CEP350: variants seen among roughly 807,000 people sequenced by gnomAD.
CEP350 encodes the protein centrosome-associated protein 350.
In CEP350, 126 loss-of-function variants were observed where a neutral mutation model predicts 331.8. That is an observed-to-expected ratio of 0.38 (90% CI 0.33 to 0.44). The LOEUF is 0.44. Ranked by LOEUF, CEP350 falls within the 20% of genes least tolerant of loss-of-function variation. The pLI is 1.00. For synonymous variants in CEP350, 1,200 were observed against 1,259.5 expected (o/e 0.95, Z 1.00); for missense variants, 3,406 against 3,634.6 (o/e 0.94, Z 1.62).
intron 25 of CEP350, among the ~76,000 whole-genome samples, chr1:180,061,972 G>A (rs1454330296): frequency 6.6e-6 from 1 of 151,942 alleles, no homozygotes; most frequent in Non-Finnish European, 1.5e-5. Context: ...GTTTTAAAAT[G>A]GGATATGAAA....
At chr1:180,041,544 T>A in intron 18 of CEP350, 118 bp from the exon 19 acceptor site, 2 of 995,112 alleles carry the variant, frequency 2.0e-6, no homozygotes, top group Admixed American at 3.0e-5. Context: ...GAAATCCAGA[T>A]TGTAGTAAAG....
chr1:180,015,379 C>T (rs1248732341), intron 10 of CEP350, among the ~76,000 whole-genome samples: 1 of 152,008 alleles, frequency 6.6e-6, no homozygotes, highest in Non-Finnish European at 1.5e-5. Context: ...GGACTACAGG[C>T]GCCCGCTACC....
At chr1:179,961,582 C>T (rs562608747) in intron 1 of CEP350, among the ~76,000 whole-genome samples, 4 of 152,272 alleles carry the variant, frequency 2.6e-5, no homozygotes, top group African/African-American at 9.6e-5. Flanking sequence ...AATCTACTAA[C>T]GGGTCATGAC....
At chr1:179,984,857 C>A (rs1652538885) in intron 1 of CEP350, among the ~76,000 whole-genome samples, 1 of 152,082 alleles carries the variant, frequency 6.6e-6, no homozygotes, top group South Asian at 2.1e-4. Flanking sequence ...TGTGTTGTTA[C>A]ATGATTTTTA....
intron 26 of CEP350, among the ~76,000 whole-genome samples, chr1:180,064,877 ATGT>A (rs1033391247): frequency 2.6e-5 from 4 of 152,152 alleles, no homozygotes; most frequent in African/African-American, 9.6e-5. Context: ...AAATTATTAC[ATGT>A]TGTGATATTC....
intron 37 of CEP350, among the ~76,000 whole-genome samples, chr1:180,100,084 T>C (rs1485958422): frequency 6.6e-6 from 1 of 152,162 alleles, no homozygotes; most frequent in African/African-American, 2.4e-5. Context: ...CCGCGCCCAG[T>C]GTCTTATGCC....
chr1:180,102,881 G>T (rs779229821), intron 37 of CEP350, among the ~76,000 whole-genome samples: 1 of 152,216 alleles, frequency 6.6e-6, no homozygotes, highest in Non-Finnish European at 1.5e-5. Flanking sequence ...ATTGTCTGCG[G>T]TGAATACCCA....
intron 25 of CEP350, among the ~76,000 whole-genome samples, chr1:180,061,439 C>T (rs1283352281): frequency 6.6e-6 from 1 of 152,168 alleles, no homozygotes; most frequent in Non-Finnish European, 1.5e-5. Flanking sequence ...AGTGATCTGC[C>T]TGCCTTGGCC....
At chr1:180,034,869 C>T (rs1040979969) in intron 16 of CEP350, among the ~76,000 whole-genome samples, 4 of 152,122 alleles carry the variant, frequency 2.6e-5, no homozygotes, top group Non-Finnish European at 4.4e-5. Context: ...TAAGTATTCA[C>T]GTGAGAGGAA....
At chr1:180,017,210 C>G (rs1655032902) in intron 11 of CEP350, among the ~76,000 whole-genome samples, 2 of 152,108 alleles carry the variant, frequency 1.3e-5, no homozygotes. Flanking sequence ...TTAATTTAGC[C>G]AGTGTGACTC....
chr1:180,032,645 T>G (rs1656096612), intron 15 of CEP350, among the ~76,000 whole-genome samples: 1 of 152,074 alleles, frequency 6.6e-6, no homozygotes. Flanking sequence ...TTTTTTTTTT[T>G]TCCTATTTGC....
chr1:180,034,155 T>A (rs543116882), intron 16 of CEP350, 73 bp downstream of exon 16: 1 of 1,458,120 alleles, frequency 6.9e-7, no homozygotes, highest in South Asian at 1.3e-5. Flanking sequence ...TCCTTTTCTT[T>A]GTTTGAGTTG....
rs139100734 is a variant in CEP350, at chr1:180,055,922, T to C, written c.5262+1420T>C. Among the ~76,000 whole-genome samples, 914 of 152,276 alleles carry C rather than the reference T, an allele frequency of 6.0e-3. 11 individuals are homozygous for C. Among genetic ancestry groups the C allele is most frequent in the African/African-American group, 0.021 (873 of 41,576 alleles). On this transcript the variant is annotated intron_variant, in intron 25 of 37. Coordinates refer to ENST00000367607, the MANE Select transcript of CEP350 (RefSeq NM_014810.5). ...TTTTAAAATAAATTAAAATTTTTTC[T>C]TAGTTAAAATAAGTAAATAACTTTC...
chr1:179,966,235 A>G (rs551046240), intron 1 of CEP350, among the ~76,000 whole-genome samples: 1 of 152,348 alleles, frequency 6.6e-6, no homozygotes, highest in African/African-American at 2.4e-5. Context: ...TATAAAAAGC[A>G]ATAAAAATAT....
In CEP350 at chr1:179,978,149, C is replaced by T. The variant is rs373598674; in HGVS notation, c.-13-8020C>T. Among the ~76,000 whole-genome samples, 23 of 152,002 alleles carry T rather than the reference C, an allele frequency of 1.5e-4. No homozygotes were observed. The East Asian group carries it at 3.3e-3, about 22-fold the overall frequency. On this transcript the variant is annotated intron_variant, in intron 1 of 37. Transcript: ENST00000367607. ...TGTTGACCAAAACATCATTGCATGG[C>T]GCATGACTGTACAGAGAACTTTGGC...
chr1:180,019,941 A>G lies in CEP350; in HGVS notation c.2175-8A>G, dbSNP rs1457025461. 7.1e-6 allele frequency: 11 copies of G among 1,560,248 alleles called. No individual in the cohort carries two copies. Among genetic ancestry groups the G allele is most frequent in the Non-Finnish European group, 9.5e-6 (11 of 1,158,502 alleles). ...AGTTAACTAACATATTGTGACTTTC[A>G]TTTCCAGAAAAGACTTGATGGAATC... On this transcript the variant is annotated splice_region_variant and splice_polypyrimidine_tract_variant and intron_variant, in intron 11 of 37. Coordinates refer to ENST00000367607, the MANE Select transcript of CEP350 (RefSeq NM_014810.5).
At chr1:180,018,026 G>GAC (rs1241140570) in intron 11 of CEP350, among the ~76,000 whole-genome samples, 2 of 152,152 alleles carry the variant, frequency 1.3e-5, no homozygotes, top group Non-Finnish European at 2.9e-5. Flanking sequence ...TTAATTTGGA[G>GAC]ACAGGGTCTT....
At chr1:179,986,896 A>G (rs1652682353) in intron 2 of CEP350, among the ~76,000 whole-genome samples, 1 of 152,236 alleles carries the variant, frequency 6.6e-6, no homozygotes, top group Non-Finnish European at 1.5e-5. Context: ...ATTATAAGAT[A>G]CAGTACAATA....
intron 32 of CEP350, 88 bp downstream of exon 32, chr1:180,087,805 A>T (rs1379617991): frequency 1.6e-6 from 2 of 1,243,322 alleles, no homozygotes; most frequent in Non-Finnish European, 2.1e-6. Context: ...CCTTTAAGTA[A>T]CTGAAATTAC....
Sources: allele counts gnomAD v4.1 joint callset (sites outside exome capture counted in the v4.1 genomes callset), GRCh38; gene constraint gnomAD v4.1.1; transcripts MANE v1.5; gene names NCBI Gene and HGNC (gene_info 2026-07-23, HGNC 2026-07-21).